Variants in DAB1 observed in about 807,000 individuals in gnomAD.
DAB1 encodes the protein disabled homolog 1.
A neutral mutation model predicts 64.6 loss-of-function variants in DAB1; 15 were observed. The ratio of observed to expected loss-of-function variants is 0.23; its 90% confidence interval spans 0.16 to 0.36. The LOEUF (loss-of-function observed/expected upper bound fraction) is 0.36, where lower values mean the gene tolerates loss of function less well. DAB1 is among the 10% of genes least tolerant of loss of function. The probability of loss-of-function intolerance (pLI) is 1.00; values close to 1 mark genes in which losing one functional copy is unlikely to be tolerated. For missense variants in DAB1, 596 were observed against 706.7 expected, an observed-to-expected ratio of 0.84 and a Z score of 1.78; for synonymous variants, 235 against 251.9, an observed-to-expected ratio of 0.93 and a Z score of 0.64.
At position 58,002,574 on chromosome 1, in the gene DAB1, C is replaced by A. The variant is rs995330441; in HGVS notation, n.388-118412G>T. ...TGTGAGGTTCTGTACATTGATCACACTTCTGAGTCATTTTCTATAATGCAA... is the reference window on the plus strand; with the variant it reads ...TGTGAGGTTCTGTACATTGATCACAATTCTGAGTCATTTTCTATAATGCAA... On this transcript the variant is annotated intron_variant and non_coding_transcript_variant, in intron 5 of 20. Coordinates refer to the DAB1 transcript ENST00000485760. Among the ~76,000 whole-genome samples, 3 of 152,094 alleles carry A rather than the reference C, an allele frequency of 2.0e-5. No homozygotes were observed. In the South Asian group the frequency reaches 6.2e-4, roughly 32 times the overall value.
chr1:57,003,969 T>C (rs1258770851), intron 14 of DAB1, among the ~76,000 whole-genome samples: 7 of 152,132 alleles, frequency 4.6e-5, no homozygotes, highest in Non-Finnish European at 1.0e-4. Context: ...CTAGGTTTGT[T>C]TTTTCTAGAG....
chr1:58,208,265 T>G (rs1658379524), intron 4 of DAB1, among the ~76,000 whole-genome samples: 1 of 152,178 alleles, frequency 6.6e-6, no homozygotes, highest in Non-Finnish European at 1.5e-5. Context: ...CATTTTAGAG[T>G]TAAAACTTCT....
chr1:58,132,142 G>T (rs1303583431), intron 5 of DAB1, among the ~76,000 whole-genome samples: 1 of 152,214 alleles, frequency 6.6e-6, no homozygotes, highest in South Asian at 2.1e-4. Flanking sequence ...CAAGCCAGGT[G>T]CAGGAGATAA....
intron 3 of DAB1, among the ~76,000 whole-genome samples, chr1:58,392,089 T>C (rs1398513905): frequency 6.6e-6 from 1 of 152,194 alleles, no homozygotes; most frequent in Non-Finnish European, 1.5e-5. Context: ...TGGAAGGCTG[T>C]TGCTGCTGCA....
intron 4 of DAB1, among the ~76,000 whole-genome samples, chr1:57,081,732 G>A (rs1442598815): frequency 6.6e-6 from 1 of 152,116 alleles, no homozygotes; most frequent in African/African-American, 2.4e-5. Context: ...GTAGCAGGAG[G>A]CTGACCTGGG....
chr1:57,495,474 C>G (rs893902894), intron 7 of DAB1, among the ~76,000 whole-genome samples: 2 of 152,150 alleles, frequency 1.3e-5, no homozygotes, highest in South Asian at 4.1e-4. Flanking sequence ...AACCGTCAAT[C>G]AAACTCAGCA....
chr1:58,066,676 C>T (rs1009386708), intron 5 of DAB1, among the ~76,000 whole-genome samples: 5 of 152,126 alleles, frequency 3.3e-5, no homozygotes, highest in Admixed American at 1.3e-4. Flanking sequence ...TCTGGGCTCT[C>T]GGGTGGCACC....
rs1021121966 is a variant in DAB1, at chr1:57,232,731, C to T, written c.67+58233G>A. 3.3e-5 allele frequency among the ~76,000 whole-genome samples: 5 copies of T among 152,068 alleles called. No homozygotes were observed. The East Asian group carries it at 9.6e-4, about 29-fold the overall frequency. On this transcript the variant is annotated intron_variant, in intron 2 of 14. Coordinates refer to ENST00000371236, the MANE Select transcript of DAB1 (RefSeq NM_001365792.1). ...CATGTGAGCTGACATTTATTAGGCA[C>T]CATGAAAGCAGAGACATTTCAAAAG...
chr1:58,050,658 C>T (rs11576606), intron 5 of DAB1, among the ~76,000 whole-genome samples: 34,563 of 151,864 alleles, frequency 0.23, 4,068 homozygotes, highest in Admixed American at 0.24. Flanking sequence ...GCCTCCCGAG[C>T]AGCTGGGACT....
intron 5 of DAB1, among the ~76,000 whole-genome samples, chr1:58,022,158 G>A (rs996933997): frequency 6.6e-6 from 1 of 152,106 alleles, no homozygotes; most frequent in African/African-American, 2.4e-5. Context: ...TGAGAATCTG[G>A]CTGCTCTTAA....
intron 5 of DAB1, among the ~76,000 whole-genome samples, chr1:58,021,365 T>A (rs1185540776): frequency 6.6e-6 from 1 of 152,180 alleles, no homozygotes; most frequent in African/African-American, 2.4e-5. Context: ...AATAACTGTA[T>A]AAGGTAGTTA....
rs142621181 is a variant in DAB1, at chr1:58,338,317, C to G, written n.309+5035G>C. On this transcript the variant is annotated intron_variant and non_coding_transcript_variant, in intron 4 of 20. Coordinates refer to the DAB1 transcript ENST00000485760. ...GCTCTCCCTCACCTCTCCTTCCCCT[C>G]CCACTTCCACCTCACTCTTCCTCTT... is the stretch of plus-strand genomic sequence containing the variant. Among the ~76,000 whole-genome samples the G allele has an allele frequency of 3.6e-3, 544 of 152,234 alleles. 4 individuals carry two copies. Among genetic ancestry groups the G allele is most frequent in the Non-Finnish European group, 5.8e-3 (392 of 67,990 alleles).
chr1:57,827,297 C>G (rs1012649560), intron 1 of DAB1, among the ~76,000 whole-genome samples: 5 of 152,130 alleles, frequency 3.3e-5, no homozygotes, highest in Non-Finnish European at 7.3e-5. Flanking sequence ...AGAAAATCAA[C>G]TAGGACCCAT....
At chr1:57,257,610 T>C (rs998099866) in intron 2 of DAB1, among the ~76,000 whole-genome samples, 3 of 152,204 alleles carry the variant, frequency 2.0e-5, no homozygotes, top group Non-Finnish European at 2.9e-5. Flanking sequence ...CCTATGTGAT[T>C]GTAATAAATT....
chr1:58,057,242 G>A (rs181697640), intron 5 of DAB1, among the ~76,000 whole-genome samples: 15 of 152,028 alleles, frequency 9.9e-5, no homozygotes, highest in Admixed American at 2.6e-4. Context: ...TCTGATTCCT[G>A]TCTTCTTTTC....
chr1:58,331,692 T>C (rs1040765045), intron 4 of DAB1, among the ~76,000 whole-genome samples: 9 of 152,210 alleles, frequency 5.9e-5, no homozygotes, highest in Non-Finnish European at 1.2e-4. Context: ...GCTGAGATGA[T>C]TGCTAACAGT....
chr1:57,870,143 T>C (rs1173291453), intron 1 of DAB1, among the ~76,000 whole-genome samples: 3 of 152,054 alleles, frequency 2.0e-5, no homozygotes, highest in Admixed American at 6.6e-5. Flanking sequence ...GAGGATGAAA[T>C]ATACTATATC....
chr1:57,577,415 TAA>T (rs5774358), intron 7 of DAB1, among the ~76,000 whole-genome samples: 51 of 147,008 alleles, frequency 3.5e-4, no homozygotes, highest in East Asian at 4.0e-4. Context: ...GGAGGCTTCC[TAA>T]AAAAAAAAAA....
At chr1:57,851,620 G>A (rs1231066323) in intron 1 of DAB1, among the ~76,000 whole-genome samples, 3 of 152,204 alleles carry the variant, frequency 2.0e-5, no homozygotes, top group Non-Finnish European at 4.4e-5. Context: ...GCTCCTGCAA[G>A]AAGCATTTCT....
Sources: gnomAD v4.1 joint callset for allele counts (sites outside exome capture counted in the v4.1 genomes callset) on GRCh38, gnomAD v4.1.1 for gene constraint, MANE v1.5 for transcripts, NCBI Gene and HGNC (gene_info 2026-07-23, HGNC 2026-07-21) for gene names.